The following SAMD5 variants were observed in gnomAD, a reference collection of about 807,000 sequenced individuals.
SAMD5 encodes the protein sterile alpha motif domain containing 5.
SAMD5 carries 13 observed loss-of-function variants against 11.3 expected under a neutral mutation model. The ratio of observed to expected loss-of-function variants is 1.15; its 90% CI spans 0.75 to 1.83. The LOEUF is 1.83. SAMD5 is among the 40% of genes most tolerant of loss of function. The pLI, the probability that SAMD5 is intolerant of heterozygous loss-of-function variation, is 0.00. For missense variants in SAMD5, 255 were observed against 239.1 expected (o/e 1.07, Z -0.44); for synonymous variants, 129 against 111.3 (o/e 1.16, Z -1.00).
chr6:147,531,379 A>T (rs1049231316), intron 1 of SAMD5, among the ~76,000 whole-genome samples: 20 of 152,196 alleles, frequency 1.3e-4, no homozygotes, highest in African/African-American at 4.6e-4. Context: ...TCCTGCCCAA[A>T]ATTGCAGTAT....
chr6:147,851,055 T>C, the SAMD5 span, among the ~76,000 whole-genome samples: 2 of 151,776 alleles, frequency 1.3e-5, no homozygotes, highest in East Asian at 3.9e-4. Flanking sequence ...CAAGGGATTC[T>C]CCTACCTCAG....
the SAMD5 span, among the ~76,000 whole-genome samples, chr6:147,793,710 A>G: frequency 1.3e-5 from 2 of 152,270 alleles, no homozygotes; most frequent in African/African-American, 4.8e-5. Context: ...GAATACATAC[A>G]TTTTTATAAA....
the SAMD5 span, among the ~76,000 whole-genome samples, chr6:147,773,883 C>T: frequency 5.9e-5 from 9 of 152,288 alleles, no homozygotes; most frequent in Admixed American, 2.0e-4. Context: ...CACTCTGTTG[C>T]TCAGGCTGTA....
At chr6:147,913,072 A>G in the SAMD5 span, among the ~76,000 whole-genome samples, 2 of 152,186 alleles carry the variant, frequency 1.3e-5, no homozygotes, top group Admixed American at 6.5e-5. Context: ...CCTGAGGTTA[A>G]CTAAGGAAGT....
At chr6:147,549,750 G>A (rs550124600) in intron 1 of SAMD5, among the ~76,000 whole-genome samples, 5 of 151,986 alleles carry the variant, frequency 3.3e-5, no homozygotes, top group African/African-American at 1.2e-4. Flanking sequence ...GATTCTCTTT[G>A]AATTGAACCA....
the SAMD5 span, among the ~76,000 whole-genome samples, chr6:147,811,776 A>G: frequency 6.6e-6 from 1 of 152,368 alleles, no homozygotes; most frequent in South Asian, 2.1e-4. Context: ...ATTGTGTAGC[A>G]GTAATGAACA....
At chr6:147,574,038 G>A (rs1292563423), downstream of SAMD5, among the ~76,000 whole-genome samples, 1 of 151,796 alleles carries the variant, frequency 6.6e-6, no homozygotes, top group East Asian at 1.9e-4. Context: ...TGAGGTGGGA[G>A]AATGGCATGA....
At chr6:147,795,435 T>G in the SAMD5 span, among the ~76,000 whole-genome samples, 5 of 142,602 alleles carry the variant, frequency 3.5e-5, no homozygotes, top group Non-Finnish European at 6.1e-5. Context: ...ATGGTGTATA[T>G]GTGCCACATT....
At chr6:147,937,836 C>T in the SAMD5 span, among the ~76,000 whole-genome samples, 1 of 152,000 alleles carries the variant, frequency 6.6e-6, no homozygotes, top group Non-Finnish European at 1.5e-5. Context: ...TTGCCTAAGA[C>T]TTATCTCAGG....
At chr6:147,541,848 C>T (rs1788609876) in intron 1 of SAMD5, among the ~76,000 whole-genome samples, 1 of 152,208 alleles carries the variant, frequency 6.6e-6, no homozygotes, top group African/African-American at 2.4e-5. Context: ...ACTCTTCCTA[C>T]TACTTAGAAA....
intron 1 of SAMD5, among the ~76,000 whole-genome samples, chr6:147,550,867 C>T (rs182571973): frequency 1.3e-5 from 2 of 150,424 alleles, no homozygotes; most frequent in African/African-American, 2.4e-5. Context: ...TCAATATATC[C>T]GTGTAACAAA....
the SAMD5 span, among the ~76,000 whole-genome samples, chr6:147,853,573 A>G: frequency 6.6e-6 from 1 of 152,134 alleles, no homozygotes; most frequent in Non-Finnish European, 1.5e-5. Context: ...TATCAATTGT[A>G]TCCAAATAAT....
At chr6:147,811,901 A>G in the SAMD5 span, among the ~76,000 whole-genome samples, 21,080 of 152,148 alleles carry the variant, frequency 0.14, 1,618 homozygotes, top group Middle Eastern at 0.19. Flanking sequence ...CCAGAACAGA[A>G]ATCTGAGCTA....
chr6:147,587,859 T>C (rs844562), intron 1 of SAMD5, among the ~76,000 whole-genome samples: 90,659 of 151,934 alleles, frequency 0.6, 27,286 homozygotes, highest in Middle Eastern at 0.65. Context: ...CCTTTCTCTA[T>C]TTCATGTCTA....
intron 1 of SAMD5, among the ~76,000 whole-genome samples, chr6:147,527,473 T>G (rs1788360087): frequency 1.3e-5 from 2 of 152,106 alleles, no homozygotes; most frequent in Admixed American, 1.3e-4. Context: ...AGAAGTCCAC[T>G]GCCGTATTCA....
the SAMD5 span, among the ~76,000 whole-genome samples, chr6:147,773,571 G>T: frequency 6.6e-6 from 1 of 152,204 alleles, no homozygotes; most frequent in Non-Finnish European, 1.5e-5. Context: ...CCTGCTTCCT[G>T]ATATGCAGAT....
At chr6:147,573,973 A>C (rs903364074), downstream of SAMD5, among the ~76,000 whole-genome samples, 5 of 151,926 alleles carry the variant, frequency 3.3e-5, no homozygotes, top group African/African-American at 1.2e-4. Context: ...AAAAACAAAA[A>C]CAAAATTAGC....
At chr6:147,670,908 G>A (rs1312868093) in intron 1 of SAMD5, among the ~76,000 whole-genome samples, 1 of 152,180 alleles carries the variant, frequency 6.6e-6, no homozygotes, top group Non-Finnish European at 1.5e-5. Flanking sequence ...TTTCCTGTTT[G>A]GCACCAGAGG....
At chr6:147,540,940 T>TATTA (rs1164633872) in intron 1 of SAMD5, among the ~76,000 whole-genome samples, 2 of 136,294 alleles carry the variant, frequency 1.5e-5, no homozygotes. Context: ...CGCGTTTTTT[T>TATTA]TTTTTTTTTT....
Sources: gnomAD v4.1 joint callset for allele counts (sites outside exome capture counted in the v4.1 genomes callset) on GRCh38, gnomAD v4.1.1 for gene constraint, MANE v1.5 for transcripts, NCBI Gene and HGNC (gene_info 2026-07-23, HGNC 2026-07-21) for gene names.